Variants in SORL1 observed in about 807,000 individuals in gnomAD.
SORL1 encodes the protein sortilin related receptor 1, also known as sortilin-related receptor.
SORL1 carries 127 observed loss-of-function variants against 273.7 expected under a neutral mutation model. The observed-to-expected ratio is 0.46, with a 90% CI of 0.40 to 0.54. The LOEUF (loss-of-function observed/expected upper bound fraction) is 0.54. Among genes scored for constraint, SORL1 ranks in the 20% least tolerant of loss-of-function variants. SORL1 has a pLI of 0.00. For missense variants in SORL1, 2,494 were observed against 2,846.1 expected (o/e 0.88, Z 2.81); for synonymous variants, 1,031 against 1,067.4 (o/e 0.97, Z 0.66).
intron 44 of SORL1, among the ~76,000 whole-genome samples, 168 bp from the exon 45 acceptor site, chr11:121,621,994 G>T (rs1361106481): frequency 2.0e-5 from 3 of 152,196 alleles, no homozygotes; most frequent in African/African-American, 7.2e-5. Flanking sequence ...TGCCAATAAA[G>T]AATATCTACC....
At chr11:121,619,637 T>C in intron 42 of SORL1, 116 bp from the exon 43 acceptor site, 1 of 875,294 alleles carries the variant, frequency 1.1e-6, no homozygotes, top group South Asian at 1.8e-5. Context: ...TATTTTATGG[T>C]TTTTTGTACT....
chr11:121,519,373 CAT>C (rs1469473361), intron 8 of SORL1, among the ~76,000 whole-genome samples: 1 of 151,756 alleles, frequency 6.6e-6, no homozygotes, highest in Non-Finnish European at 1.5e-5. Flanking sequence ...AGGGTATCCG[CAT>C]GGTAGATAAA....
At chr11:121,538,784 T>G (rs1862305418) in intron 12 of SORL1, among the ~76,000 whole-genome samples, 1 of 152,148 alleles carries the variant, frequency 6.6e-6, no homozygotes, top group Non-Finnish European at 1.5e-5. Flanking sequence ...GTTCAAGCGA[T>G]TCTCCTGCCT....
In SORL1 at chr11:121,625,249, C is replaced by T. The variant is rs1863778943; in HGVS notation, c.6336C>T (p.Ala2112=). Residue 2112 remains alanine, a synonymous_variant, in exon 46 of 48, where the codon GCC becomes GCT. Coordinates refer to ENST00000260197, the MANE Select transcript of SORL1 (RefSeq NM_003105.6). ...LFGNQICGEP[A]ILLYDELGSG... The stretch of plus-strand genomic sequence containing the variant: ...GCAACCAGATCTGTGGGGAGCCTGC[C>T]ATCCTGCTGTACGATGAGCTGGGGT... 3 of 1,613,656 alleles carry T rather than the reference C, an allele frequency of 1.9e-6. No homozygotes were observed. The highest frequency in any genetic ancestry group is 2.5e-6 in the Non-Finnish European group (3 of 1,179,888).
chr11:121,557,118 T>A (rs1862598580), intron 18 of SORL1, 196 bp from the exon 19 acceptor site: 1 of 591,542 alleles, frequency 1.7e-6, no homozygotes, highest in Non-Finnish European at 3.0e-6. Flanking sequence ...ACTTGAAAAT[T>A]GTCCCATGAG....
intron 3 of SORL1, among the ~76,000 whole-genome samples, chr11:121,483,387 G>A (rs542592623): frequency 1.5e-4 from 23 of 152,334 alleles, no homozygotes; most frequent in African/African-American, 5.3e-4. Flanking sequence ...CTAGAGGGAT[G>A]TTCCTTCATT....
chr11:121,530,258 A>G (rs1375424883), intron 11 of SORL1, among the ~76,000 whole-genome samples: 1 of 152,226 alleles, frequency 6.6e-6, no homozygotes, highest in African/African-American at 2.4e-5. Context: ...CGTTCTGGAA[A>G]AATCTCTGTT....
Position 121,577,304 on chromosome 11 carries a change from G to T in SORL1, c.3484G>T (p.Glu1162Ter). Residue 1162 changes from glutamate to a stop codon, truncating the protein, a stop_gained, in exon 25 of 48, where the codon GAG becomes TAG. Coordinates refer to ENST00000260197, the MANE Select transcript of SORL1 (RefSeq NM_003105.6). LOFTEE classifies it high-confidence loss of function. ...HCEMHQCRSDEYNCSSGMCIR... is the reference protein window; with the variant it reads ...HCEMHQCRSD ...AGAAATGCACCAGTGCCGGAGTGAC[G>T]AGTACAACTGCAGTTCCGGCATGTG... 2 of 1,611,012 alleles carry T rather than the reference G, an allele frequency of 1.2e-6. No individual in the cohort carries two copies. Among genetic ancestry groups the T allele is most frequent in the Non-Finnish European group, 1.7e-6 (2 of 1,178,612 alleles).
chr11:121,600,908 T>A (rs1022169135), intron 32 of SORL1, among the ~76,000 whole-genome samples: 76 of 152,016 alleles, frequency 5.0e-4, no homozygotes, highest in African/African-American at 1.6e-3. Context: ...TCTTTTTTTT[T>A]ATTATACTTT....
At position 121,604,340 on chromosome 11, in the gene SORL1, C is replaced by CGGGCTGGGCT. The variant is rs746550595; in HGVS notation, c.4651+35_4651+44dup. 4.6e-5 allele frequency: 52 copies of CGGGCTGGGCT among 1,142,454 alleles called. No individual in the cohort carries two copies. The highest frequency in any genetic ancestry group is 2.1e-4 in the Middle Eastern group (1 of 4,692). The allele number at this position is 1,142,454 out of a possible 1,614,324, so 70.8% of individuals were successfully genotyped here. The stretch of plus-strand genomic sequence containing the variant: ...GCCTGCAGTGGTGAGTGCCGGTCCA[C>CGGGCTGGGCT]GGGCTGGGCTGGGCTGGGCTGGGCT... On this transcript the variant is annotated intron_variant, in intron 33 of 47. Coordinates refer to ENST00000260197, the MANE Select transcript of SORL1 (RefSeq NM_003105.6).
intron 26 of SORL1, 54 bp from the exon 27 acceptor site, chr11:121,586,168 G>C (rs1863103360): frequency 1.4e-6 from 2 of 1,421,152 alleles, no homozygotes; most frequent in Non-Finnish European, 2.0e-6. Context: ...CTGTGTGTGA[G>C]TGCCTGCCTG....
chr11:121,622,345 A>T, intron 45 of SORL1, 77 bp downstream of exon 45: 1 of 769,978 alleles, frequency 1.3e-6, no homozygotes, highest in African/African-American at 1.8e-5. Flanking sequence ...TGTTGACAGC[A>T]TGCTGGCATA....
At chr11:121,602,255 G>A (rs897520468) in intron 32 of SORL1, among the ~76,000 whole-genome samples, 3 of 152,162 alleles carry the variant, frequency 2.0e-5, no homozygotes, top group African/African-American at 7.2e-5. Context: ...TGGAGAATGG[G>A]GGATTATAGT....
chr11:121,622,057 CAG>C (rs1484966989), intron 44 of SORL1, 103 bp from the exon 45 acceptor site: 2 of 678,068 alleles, frequency 2.9e-6, no homozygotes, highest in Non-Finnish European at 5.1e-6. Flanking sequence ...TTCTGTAACC[CAG>C]CCCTCCAAGG....
intron 1 of SORL1, among the ~76,000 whole-genome samples, chr11:121,463,879 C>T (rs190621359): frequency 6.6e-6 from 1 of 152,248 alleles, no homozygotes; most frequent in Admixed American, 6.5e-5. Flanking sequence ...CAGTGAGAGG[C>T]AATTTGCATA....
In SORL1 at chr11:121,607,977, A is replaced by G. The variant is rs992995771; in HGVS notation, c.5167-127A>G. ...CTGGGGCCTCTGAATATTCTGGATC[A>G]CTCTGTATAAAATTTTTCCAGCCTC... On this transcript the variant is annotated intron_variant, in intron 37 of 47. Transcript: ENST00000260197. 4.1e-5 allele frequency: 30 copies of G among 727,986 alleles called. 3 individuals carry two copies. The South Asian group carries it at 4.2e-4, about 10-fold the overall frequency. 45.1% of individuals were successfully genotyped at this position (727,986 alleles called of 1,614,324 possible).
chr11:121,576,773 A>G (rs1468075717), intron 24 of SORL1: 36 of 1,483,922 alleles, frequency 2.4e-5, no homozygotes, highest in Non-Finnish European at 3.1e-5. Context: ...GAAAGTCCCG[A>G]GTTATGTTTC....
At chr11:121,531,575 G>A (rs946036008) in intron 11 of SORL1, among the ~76,000 whole-genome samples, 2 of 152,096 alleles carry the variant, frequency 1.3e-5, no homozygotes, top group African/African-American at 4.8e-5. Flanking sequence ...GCCTTCTGGA[G>A]GATATTGATA....
intron 12 of SORL1, among the ~76,000 whole-genome samples, chr11:121,533,904 A>G (rs900532125): frequency 6.6e-6 from 1 of 152,248 alleles, no homozygotes; most frequent in African/African-American, 2.4e-5. Context: ...GTTTGTGTGC[A>G]ACACTCTGTA....
Sources: allele counts gnomAD v4.1 joint callset (sites outside exome capture counted in the v4.1 genomes callset), GRCh38; gene constraint gnomAD v4.1.1; transcripts MANE v1.5; gene names NCBI Gene and HGNC (gene_info 2026-07-23, HGNC 2026-07-21).